The following TNFRSF10A variants were observed in gnomAD, a reference collection of about 807,000 sequenced individuals.
TNFRSF10A encodes the protein tumor necrosis factor receptor superfamily member 10A.
TNFRSF10A carries 44 observed loss-of-function variants against 42.8 expected under a neutral mutation model. That is an observed-to-expected ratio of 1.03 (90% confidence interval 0.81 to 1.32). TNFRSF10A has a LOEUF of 1.32. TNFRSF10A is among the 40% of genes most tolerant of loss of function. The pLI, the probability that TNFRSF10A is intolerant of heterozygous loss-of-function variation, is 0.00. For missense variants in TNFRSF10A, 680 were observed against 602.0 expected, an observed-to-expected ratio of 1.13 and a Z score of -1.36; for synonymous variants, 259 against 234.2, an observed-to-expected ratio of 1.11 and a Z score of -0.97.
chr8:23,216,114 G>C (rs918535026), intron 1 of TNFRSF10A, among the ~76,000 whole-genome samples: 7 of 152,054 alleles, frequency 4.6e-5, no homozygotes, highest in Non-Finnish European at 1.0e-4. Context: ...CATCTCGTCC[G>C]GCCAGTTTAT....
At chr8:23,199,234 C>G (rs567000731) in intron 8 of TNFRSF10A, 32 bp downstream of exon 8, 1 of 1,594,182 alleles carries the variant, frequency 6.3e-7, no homozygotes, top group Admixed American at 1.7e-5. Context: ...CCCCTGCCTA[C>G]AAGGTCTTGG....
In TNFRSF10A at chr8:23,199,260, A is replaced by G. The variant is rs1585280210; in HGVS notation, c.1014+6T>C. 3 of 1,610,006 alleles carry G rather than the reference A, an allele frequency of 1.9e-6. No individual in the cohort carries two copies. Among genetic ancestry groups the G allele is most frequent in the Middle Eastern group, 1.7e-4 (1 of 6,040 alleles). ...AAGGTCTTGGAGGGGCCTGTCCCCA[A>G]CTCACCAGCAGACACTGTGCCTCCC... On this transcript the variant is annotated splice_donor_region_variant and intron_variant, in intron 8 of 9. Transcript: ENST00000221132.
intron 1 of TNFRSF10A, among the ~76,000 whole-genome samples, chr8:23,219,806 C>A (rs907139696): frequency 6.6e-6 from 1 of 152,230 alleles, no homozygotes; most frequent in Admixed American, 6.5e-5. Context: ...GTGTGATGCA[C>A]TTAACATGAC....
At chr8:23,221,102 A>C (rs1354034712) in intron 1 of TNFRSF10A, among the ~76,000 whole-genome samples, 1 of 152,186 alleles carries the variant, frequency 6.6e-6, no homozygotes, top group Non-Finnish European at 1.5e-5. Context: ...TCAGAGAGCC[A>C]GTATGGAGGT....
chr8:23,220,675 C>T (rs533774876), intron 1 of TNFRSF10A, among the ~76,000 whole-genome samples: 2 of 152,170 alleles, frequency 1.3e-5, no homozygotes, highest in South Asian at 2.1e-4. Flanking sequence ...TCCTAATGAA[C>T]TTGAAAGAGA....
intron 8 of TNFRSF10A, among the ~76,000 whole-genome samples, chr8:23,198,939 T>G (rs1800867044): frequency 6.6e-6 from 1 of 152,266 alleles, no homozygotes. Context: ...AAATCCCTGC[T>G]GTTATGAGCA....
chr8:23,201,720 C>T (rs922145438), intron 4 of TNFRSF10A, 88 bp downstream of exon 4: 10 of 1,221,814 alleles, frequency 8.2e-6, no homozygotes, highest in Admixed American at 5.6e-5. Flanking sequence ...CTGATAGATA[C>T]GGGTACAAGG....
At chr8:23,221,112 T>C (rs2128852075) in intron 1 of TNFRSF10A, among the ~76,000 whole-genome samples, 1 of 152,186 alleles carries the variant, frequency 6.6e-6, no homozygotes, top group South Asian at 2.1e-4. Flanking sequence ...AGTATGGAGG[T>C]GCAGGTGGGA....
intron 1 of TNFRSF10A, among the ~76,000 whole-genome samples, chr8:23,214,904 A>C (rs1801155297): frequency 6.6e-6 from 1 of 152,236 alleles, no homozygotes; most frequent in South Asian, 2.1e-4. Context: ...AGTCAGAAAA[A>C]GATGAAAGAG....
intron 9 of TNFRSF10A, 51 bp from the exon 10 acceptor site, chr8:23,192,064 G>A (rs1301851288): frequency 1.3e-6 from 2 of 1,562,690 alleles, no homozygotes; most frequent in Non-Finnish European, 1.7e-6. Context: ...ACTCAGTTCA[G>A]AAGGGGCAGA....
Position 23,224,808 on chromosome 8 carries a change from C to G in TNFRSF10A, c.254G>C (p.Arg85Pro). ...GPRPAREASPRLRVHKTFKFV... is the reference protein window; with the variant it reads ...GPRPAREASPPLRVHKTFKFV... ...CTTGAAGGTCTTGTGGACCCGGAGCCGAGGGCTGGCTTCCCGCGCCGGCCT... is the reference window on the plus strand; with the variant it reads ...CTTGAAGGTCTTGTGGACCCGGAGCGGAGGGCTGGCTTCCCGCGCCGGCCT... Residue 85 changes from arginine (R) to proline (P), a missense_variant, in exon 1 of 10, where the codon CGG becomes CCG. By Grantham distance (103) the Arg-to-Pro change is moderately radical. Coordinates refer to ENST00000221132, the MANE Select transcript of TNFRSF10A (RefSeq NM_003844.4). 1.9e-6 allele frequency: 3 copies of G among 1,567,098 alleles called. No individual in the cohort carries two copies. The South Asian group carries it at 3.5e-5, about 18-fold the overall frequency.
chr8:23,215,229 CA>C (rs1386591832), intron 1 of TNFRSF10A, among the ~76,000 whole-genome samples: 1 of 152,142 alleles, frequency 6.6e-6, no homozygotes, highest in Non-Finnish European at 1.5e-5. Flanking sequence ...AAAGGAAGAG[CA>C]GGGGGGCCGG....
chr8:23,216,765 T>C (rs1399096202), intron 1 of TNFRSF10A, among the ~76,000 whole-genome samples: 2 of 152,090 alleles, frequency 1.3e-5, no homozygotes, highest in Non-Finnish European at 2.9e-5. Flanking sequence ...AGAAATATTT[T>C]GAATTCTCTT....
rs1800740955 is a variant in TNFRSF10A, at chr8:23,190,487, C to G, written c.*1207G>C. 1 of 152,098 alleles carries G rather than the reference C, an allele frequency of 6.6e-6. No individual in the cohort carries two copies. Among genetic ancestry groups the G allele is most frequent in the Non-Finnish European group, 1.5e-5 (1 of 68,024 alleles). 9.4% of individuals were successfully genotyped at this position (152,098 alleles called of 1,614,324 possible). ...ATCTTTGCATAGGTACCAAATAACA[C>G]ATTTGTTTAGGATGAGAGCTGCCCA... is the stretch of plus-strand genomic sequence containing the variant. On this transcript the variant is annotated 3_prime_UTR_variant, in exon 10 of 10. Transcript: ENST00000221132.
intron 1 of TNFRSF10A, among the ~76,000 whole-genome samples, chr8:23,216,520 G>A (rs1016678062): frequency 6.6e-6 from 1 of 152,044 alleles, no homozygotes; most frequent in Non-Finnish European, 1.5e-5. Context: ...GAGGTGGGTG[G>A]ATCACGAGGT....
intron 9 of TNFRSF10A, among the ~76,000 whole-genome samples, chr8:23,193,814 T>C (rs954252643): frequency 6.6e-6 from 1 of 152,230 alleles, no homozygotes; most frequent in South Asian, 2.1e-4. Flanking sequence ...TCATGGGAAA[T>C]TGGAATTCAG....
At chr8:23,221,487 T>C (rs1188875938) in intron 1 of TNFRSF10A, among the ~76,000 whole-genome samples, 1 of 152,216 alleles carries the variant, frequency 6.6e-6, no homozygotes, top group Non-Finnish European at 1.5e-5. Context: ...GGCACAGAGA[T>C]TGGGCCAGTC....
At chr8:23,200,481 C>CTCT in intron 6 of TNFRSF10A, 24 bp downstream of exon 6, 1 of 1,612,346 alleles carries the variant, frequency 6.2e-7, no homozygotes. Flanking sequence ...GTGCCCAGAG[C>CTCT]CCTTGCCCTC....
At chr8:23,210,089 C>T (rs1280506754) in intron 2 of TNFRSF10A, among the ~76,000 whole-genome samples, 3 of 152,270 alleles carry the variant, frequency 2.0e-5, no homozygotes, top group South Asian at 2.1e-4. Flanking sequence ...CCTGTACAAG[C>T]TCTTTGCTTG....
Sources: allele counts gnomAD v4.1 joint callset (sites outside exome capture counted in the v4.1 genomes callset), GRCh38; gene constraint gnomAD v4.1.1; transcripts MANE v1.5; gene names NCBI Gene and HGNC (gene_info 2026-07-23, HGNC 2026-07-21).